DEXI: variants seen among roughly 807,000 people sequenced by gnomAD.
DEXI encodes dexamethasone-induced protein.
In DEXI, 2 loss-of-function variants were observed where a neutral mutation model predicts 2.5. The observed-to-expected ratio is 0.81, with a 90% CI of 0.33 to 2.55. DEXI has a LOEUF of 2.55. Among genes scored for constraint, DEXI ranks in the 30% most tolerant of loss-of-function variants. The pLI is 0.11. For synonymous variants in DEXI, 71 were observed against 68.7 expected (o/e 1.03, Z -0.17); for missense variants, 108 against 130.3 (o/e 0.83, Z 0.83).
chr16:10,941,724 C>T lies in DEXI; in HGVS notation c.282G>A (p.Leu94=), dbSNP rs896064204. ...DSELDVFDAY[L]E ...GGGAACAGCAGTCGAGACCCTACTC[C>T]AAGTACGCATCAAAGACGTCGAGCT... is the stretch of plus-strand genomic sequence containing the variant. Residue 94 remains leucine, a synonymous_variant, in exon 1 of 2, where the codon TTG becomes TTA. Coordinates refer to ENST00000331808, the MANE Select transcript of DEXI (RefSeq NM_014015.4). This position sits in a 1 kb window ranked among gnomAD's most constrained non-coding sequence, Gnocchi z 6.4. 9.9e-6 allele frequency: 16 copies of T among 1,608,394 alleles called. No individual in the cohort carries two copies. The highest frequency in any genetic ancestry group is 1.3e-5 in the Non-Finnish European group (15 of 1,177,136).
In DEXI at chr16:10,942,252, T is replaced by G. The variant is rs1027770187; in HGVS notation, c.-247A>C. Reference sequence around the variant, plus strand: ...GCCCGGGCGGCGAGGCGGGCCCCCCTGAAGTGGCCCGCGGCTGCCCGGCTC... The same window carrying G: ...GCCCGGGCGGCGAGGCGGGCCCCCCGGAAGTGGCCCGCGGCTGCCCGGCTC... On this transcript the variant is annotated 5_prime_UTR_variant, in exon 1 of 2. Coordinates refer to ENST00000331808, the MANE Select transcript of DEXI (RefSeq NM_014015.4). This position sits in a 1 kb window ranked among gnomAD's most constrained non-coding sequence, Gnocchi z 5.0. 2 of 352,518 alleles carry G rather than the reference T, an allele frequency of 5.7e-6. No individual in the cohort carries two copies. Among genetic ancestry groups the G allele is most frequent in the South Asian group, 8.9e-5 (2 of 22,464 alleles). 21.8% of individuals were successfully genotyped at this position (352,518 alleles called of 1,614,324 possible).
At position 10,929,450 on chromosome 16, in the gene DEXI, T is replaced by C. The variant is rs2040681117; in HGVS notation, c.*259A>G. On this transcript the variant is annotated 3_prime_UTR_variant, in exon 2 of 2. Coordinates refer to ENST00000331808, the MANE Select transcript of DEXI (RefSeq NM_014015.4). The surrounding 1 kb of genome is among the most constrained non-coding windows in gnomAD (Gnocchi z 4.3). Reference sequence around the variant, plus strand: ...GATGCCTCTTGCGTTCCCCCTTCTGTGGGAGCAGGTGCCTTCCCAACCTCA... The same window carrying C: ...GATGCCTCTTGCGTTCCCCCTTCTGCGGGAGCAGGTGCCTTCCCAACCTCA... 12 of 985,838 alleles carry C rather than the reference T, an allele frequency of 1.2e-5. No homozygotes were observed. Among genetic ancestry groups the C allele is most frequent in the Non-Finnish European group, 1.2e-5 (10 of 829,940 alleles). 61.1% of individuals were successfully genotyped at this position (985,838 alleles called of 1,614,324 possible).
intron 1 of DEXI, chr16:10,936,246 T>C (rs1324039034): frequency 6.6e-6 from 1 of 152,160 alleles, no homozygotes; most frequent in Admixed American, 6.5e-5. Context: ...CCTCAGCCTC[T>C]ATAAAATTTG....
At chr16:10,932,782 G>A (rs2040855366) in intron 1 of DEXI, 1 of 150,672 alleles carries the variant, frequency 6.6e-6, no homozygotes, top group Non-Finnish European at 1.5e-5. Flanking sequence ...TGCAGTTCCA[G>A]GTTCAAGCAA....
chr16:10,938,244 G>C lies in DEXI; in HGVS notation c.*149+3325C>G, dbSNP rs2040330771. 6.6e-6 allele frequency: 1 copy of C among 152,080 alleles called. No homozygotes were observed. 9.4% of individuals were successfully genotyped at this position (152,080 alleles called of 1,614,324 possible). A position where few individuals can be genotyped will look rare whatever the true frequency, so the allele number is the denominator to read the frequency against. On this transcript the variant is annotated intron_variant, in intron 1 of 1. Transcript: ENST00000331808. The surrounding 1 kb of genome is among the most constrained non-coding windows in gnomAD (Gnocchi z 4.9). ...CAGGGAGGTTAAGCAGCATGCCCAA[G>C]GTCACAGCTACCCTGGGATGTGAAC... is the stretch of plus-strand genomic sequence containing the variant.
rs2041103271 is a variant in DEXI at position 10,941,576 on chromosome 16, G to A, written c.*142C>T. The stretch of plus-strand genomic sequence containing the variant: ...TTCAGAGAGGGCACTTACAGGCCTC[G>A]GAGGCAGGGGAGGGTCTCCTCCTGG... On this transcript the variant is annotated 3_prime_UTR_variant, in exon 1 of 2. Coordinates refer to ENST00000331808, the MANE Select transcript of DEXI (RefSeq NM_014015.4). This position sits in a 1 kb window ranked among gnomAD's most constrained non-coding sequence, Gnocchi z 6.4. 2 of 1,455,614 alleles carry A rather than the reference G, an allele frequency of 1.4e-6. No individual in the cohort carries two copies. The highest frequency in any genetic ancestry group is 2.9e-5 in the South Asian group (2 of 67,866). The allele number at this position is 1,455,614 out of a possible 1,614,324, so 90.2% of individuals were successfully genotyped here.
chr16:10,933,623 A>T (rs2040892973), intron 1 of DEXI: 2 of 152,294 alleles, frequency 1.3e-5, no homozygotes, highest in Non-Finnish European at 2.9e-5. Flanking sequence ...CACACGAGAC[A>T]TCAGTACAGG....
rs2041041722 is a variant in DEXI at position 10,937,256 on chromosome 16, G to A, written c.*149+4313C>T. ...CCTGTGTCACCATTGTCTGTCTCTTGCTTAGATGACAGCCACAGCTTCCTG... is the reference window on the plus strand; with the variant it reads ...CCTGTGTCACCATTGTCTGTCTCTTACTTAGATGACAGCCACAGCTTCCTG... On this transcript the variant is annotated intron_variant, in intron 1 of 1. Coordinates refer to ENST00000331808, the MANE Select transcript of DEXI (RefSeq NM_014015.4). The surrounding 1 kb of genome is among the most constrained non-coding windows in gnomAD (Gnocchi z 4.2). The A allele has an allele frequency of 6.6e-6, 1 of 152,340 alleles. No individual in the cohort carries two copies. The highest frequency in any genetic ancestry group is 1.9e-4 in the East Asian group (1 of 5,200). The allele number at this position is 152,340 out of a possible 1,614,324, so 9.4% of individuals were successfully genotyped here.
chr16:10,930,071 A>C (rs761154105), intron 1 of DEXI: 1 of 152,312 alleles, frequency 6.6e-6, no homozygotes, highest in African/African-American at 2.4e-5. Flanking sequence ...ATGCAGCATC[A>C]TCTCCATGGC....
intron 1 of DEXI, chr16:10,932,855 T>C (rs2040858327): frequency 6.6e-6 from 1 of 152,020 alleles, no homozygotes; most frequent in African/African-American, 2.4e-5. Context: ...GCCTGGCTAA[T>C]TGATGTATTT....
chr16:10,936,223 A>C (rs1235356545), intron 1 of DEXI: 1 of 152,036 alleles, frequency 6.6e-6, no homozygotes, highest in African/African-American at 2.4e-5. Context: ...TTCAAACTCA[A>C]GTGATCCTTC....
chr16:10,929,412 G>A lies in DEXI; in HGVS notation c.*297C>T. ...GGCCATCGATTTGACACTGCAGGCA[G>A]ATGAGGTCTTGGGATGCCTCTTGCG... On this transcript the variant is annotated 3_prime_UTR_variant, in exon 2 of 2. Transcript: ENST00000331808. The surrounding 1 kb of genome is among the most constrained non-coding windows in gnomAD (Gnocchi z 4.3). The A allele has an allele frequency of 6.1e-6, 6 of 985,928 alleles. No homozygotes were observed. The highest frequency in any genetic ancestry group is 7.2e-6 in the Non-Finnish European group (6 of 829,958). 61.1% of individuals were successfully genotyped at this position (985,928 alleles called of 1,614,324 possible).
intron 1 of DEXI, chr16:10,931,313 A>G (rs11862970): frequency 0.067 from 10,280 of 152,788 alleles, 612 homozygotes; most frequent in African/African-American, 0.16. Flanking sequence ...TCTCAAAAAA[A>G]AGAGAAGATG....
chr16:10,941,757 A>G lies in DEXI; in HGVS notation c.249T>C (p.Ala83=). 1.9e-6 allele frequency: 3 copies of G among 1,612,736 alleles called. No homozygotes were observed. Among genetic ancestry groups the G allele is most frequent in the Non-Finnish European group, 2.5e-6 (3 of 1,179,336 alleles). ...CATCAAAGACGTCGAGCTCCGAGTC[A>G]GCATCGTAAAGGCCCGAGCCGGGGT... ...LSDPGSGLYD[A]DSELDVFDAY... The change falls in exon 1 of 2, where the codon GCT becomes GCC. Residue 83 remains alanine, a synonymous_variant. Coordinates refer to ENST00000331808, the MANE Select transcript of DEXI (RefSeq NM_014015.4). The surrounding 1 kb of genome is among the most constrained non-coding windows in gnomAD (Gnocchi z 6.4).
chr16:10,942,024 G>T lies in DEXI; in HGVS notation c.-19C>A, dbSNP rs1182155127. 1 of 1,395,026 alleles carries T rather than the reference G, an allele frequency of 7.2e-7. No homozygotes were observed. Among genetic ancestry groups the T allele is most frequent in the Admixed American group, 3.4e-5 (1 of 29,178 alleles). 86.4% of individuals were successfully genotyped at this position (1,395,026 alleles called of 1,614,324 possible). On this transcript the variant is annotated 5_prime_UTR_variant, in exon 1 of 2. Coordinates refer to ENST00000331808, the MANE Select transcript of DEXI (RefSeq NM_014015.4). This position sits in a 1 kb window ranked among gnomAD's most constrained non-coding sequence, Gnocchi z 5.0. ...CGAGCATGCAGCGGGTGGCAAGGGC[G>T]GCGGCCCGGCGATCCCGGCGAACTC...
In DEXI at chr16:10,939,497, T is replaced by C. The variant is rs768276016; in HGVS notation, c.*149+2072A>G. ...GTTCTCCAGCCACATGGGCCTCCTTTTGGTTGCGGAAAAACCAACTCTCTC... is the reference window on the plus strand; with the variant it reads ...GTTCTCCAGCCACATGGGCCTCCTTCTGGTTGCGGAAAAACCAACTCTCTC... On this transcript the variant is annotated intron_variant, in intron 1 of 1. Transcript: ENST00000331808. This position sits in a 1 kb window ranked among gnomAD's most constrained non-coding sequence, Gnocchi z 4.9. 1 of 152,288 alleles carries C rather than the reference T, an allele frequency of 6.6e-6. No individual in the cohort carries two copies. The highest frequency in any genetic ancestry group is 1.5e-5 in the Non-Finnish European group (1 of 68,106). The allele number at this position is 152,288 out of a possible 1,614,324, so 9.4% of individuals were successfully genotyped here. A position where few individuals can be genotyped will look rare whatever the true frequency, so the allele number is the denominator to read the frequency against.
At chr16:10,933,076 C>A (rs2040867961) in intron 1 of DEXI, 1 of 152,170 alleles carries the variant, frequency 6.6e-6, no homozygotes, top group African/African-American at 2.4e-5. Context: ...GAACCCAGGG[C>A]AGCAGGTTCT....
Position 10,942,128 on chromosome 16 carries a change from G to A in DEXI, c.-123C>T. 1 of 711,398 alleles carries A rather than the reference G, an allele frequency of 1.4e-6. No individual in the cohort carries two copies. The allele number at this position is 711,398 out of a possible 1,614,324, so 44.1% of individuals were successfully genotyped here. A position where few individuals can be genotyped will look rare whatever the true frequency, so the allele number is the denominator to read the frequency against. ...TACCCTGGAGCCCGACAGAAGCAGG[G>A]CCGGGCTCCAGATGTCCCCTGGCAA... On this transcript the variant is annotated 5_prime_UTR_variant, in exon 1 of 2. Transcript: ENST00000331808. The surrounding 1 kb of genome is among the most constrained non-coding windows in gnomAD (Gnocchi z 5.0).
Position 10,941,426 on chromosome 16 carries a change from GC to G in DEXI, c.*149+142del. 1 of 784,288 alleles carries G rather than the reference GC, an allele frequency of 1.3e-6. No individual in the cohort carries two copies. Among genetic ancestry groups the G allele is most frequent in the Non-Finnish European group, 1.7e-6 (1 of 582,030 alleles). The allele number at this position is 784,288 out of a possible 1,614,324, so 48.6% of individuals were successfully genotyped here. ...AAACGAAGGGCTTAAGAGGAGTCTG[GC>G]CATTCCTGGCATCCAGTTAGACCTG... On this transcript the variant is annotated intron_variant, in intron 1 of 1. Transcript: ENST00000331808. The surrounding 1 kb of genome is among the most constrained non-coding windows in gnomAD (Gnocchi z 6.4).
Sources: allele counts gnomAD v4.1 joint callset, GRCh38; gene constraint gnomAD v4.1.1; non-coding constraint Gnocchi (gnomAD v3.1); transcripts MANE v1.5; gene names NCBI Gene and HGNC (gene_info 2026-07-23, HGNC 2026-07-21).